The following AOPEP variants were observed in gnomAD, a reference collection of about 807,000 sequenced individuals.
AOPEP encodes aminopeptidase O (putative), also known as aminopeptidase O.
In AOPEP, 77 loss-of-function variants were observed where a neutral mutation model predicts 98.1. The observed-to-expected ratio is 0.78, with a 90% confidence interval of 0.65 to 0.95. AOPEP has a LOEUF of 0.95. Ranked by LOEUF, AOPEP falls within the 40% of genes least tolerant of loss-of-function variation. The pLI is 0.00. For synonymous variants in AOPEP, 346 were observed against 365.3 expected, an observed-to-expected ratio of 0.95 and a Z score of 0.60; for missense variants, 1,024 against 1,024.7, an observed-to-expected ratio of 1.00 and a Z score of 0.01.
intron 5 of AOPEP, among the ~76,000 whole-genome samples, chr9:94,825,286 G>C (rs984383241): frequency 3.3e-5 from 5 of 152,216 alleles, no homozygotes; most frequent in Non-Finnish European, 5.9e-5. Context: ...TGGAAGACCA[G>C]CCCCGCATCC....
At chr9:95,106,920 C>G in the AOPEP span, 1 of 790,556 alleles carries the variant, frequency 1.3e-6, no homozygotes, top group African/African-American at 1.7e-5. Flanking sequence ...GGGTCCATCC[C>G]AGCTGTCAAC....
intron 9 of AOPEP, among the ~76,000 whole-genome samples, chr9:94,959,276 C>G (rs2058667887): frequency 6.6e-6 from 1 of 152,150 alleles, no homozygotes; most frequent in African/African-American, 2.4e-5. Context: ...ATCTCCTGAT[C>G]TCGTGATCCA....
intron 10 of AOPEP, among the ~76,000 whole-genome samples, chr9:94,975,188 G>A (rs1307806906): frequency 1.3e-5 from 2 of 152,144 alleles, no homozygotes; most frequent in African/African-American, 4.8e-5. Flanking sequence ...AGTGAGCTGA[G>A]ATTGAACCAC....
intron 13 of AOPEP, among the ~76,000 whole-genome samples, chr9:95,008,300 T>TG (rs2062192562): frequency 1.3e-5 from 2 of 152,156 alleles, no homozygotes; most frequent in Non-Finnish European, 2.9e-5. Flanking sequence ...CTAACTCTGC[T>TG]GGGGGTCACA....
chr9:95,060,039 T>G (rs748785891), intron 13 of AOPEP, among the ~76,000 whole-genome samples: 2 of 152,228 alleles, frequency 1.3e-5, no homozygotes, highest in African/African-American at 2.4e-5. Flanking sequence ...TCTTTGCCCT[T>G]AACTTGTAAC....
chr9:94,744,647 G>A (rs549218134), intron 1 of AOPEP, among the ~76,000 whole-genome samples: 1 of 134,390 alleles, frequency 7.4e-6, no homozygotes, highest in South Asian at 2.3e-4. Flanking sequence ...GTTGCAGTGA[G>A]ACAAGATTGT....
At chr9:94,873,435 T>C (rs1171279634) in intron 5 of AOPEP, among the ~76,000 whole-genome samples, 1 of 152,204 alleles carries the variant, frequency 6.6e-6, no homozygotes, top group Non-Finnish European at 1.5e-5. Flanking sequence ...TATCTTATTA[T>C]GTTGGGAAGC....
chr9:94,878,529 C>T (rs1461362655), intron 5 of AOPEP, among the ~76,000 whole-genome samples: 1 of 151,878 alleles, frequency 6.6e-6, no homozygotes, highest in African/African-American at 2.4e-5. Flanking sequence ...CTTCCTGTAC[C>T]TGGTAAAAAT....
At chr9:95,057,410 G>A (rs564391048) in intron 13 of AOPEP, among the ~76,000 whole-genome samples, 3 of 152,348 alleles carry the variant, frequency 2.0e-5, no homozygotes, top group African/African-American at 4.8e-5. Flanking sequence ...CGGGCTCCTC[G>A]TACCACCCGG....
At chr9:94,968,251 CTTT>C (rs2059328164) in intron 10 of AOPEP, among the ~76,000 whole-genome samples, 1 of 152,050 alleles carries the variant, frequency 6.6e-6, no homozygotes, top group South Asian at 2.1e-4. Flanking sequence ...TCTGCCACTT[CTTT>C]TGTTTGTTTT....
At chr9:94,805,008 A>G (rs929041448) in intron 5 of AOPEP, among the ~76,000 whole-genome samples, 3 of 152,158 alleles carry the variant, frequency 2.0e-5, no homozygotes, top group African/African-American at 4.8e-5. Flanking sequence ...GAGGAGTAGA[A>G]TGAAGGCCAG....
At chr9:94,965,246 C>T (rs1042993324) in intron 9 of AOPEP, among the ~76,000 whole-genome samples, 2 of 152,184 alleles carry the variant, frequency 1.3e-5, no homozygotes, top group African/African-American at 4.8e-5. Flanking sequence ...GGGTTGTCCC[C>T]CCGCTCCCAT....
At chr9:95,134,890 C>T in the AOPEP span, among the ~76,000 whole-genome samples, 4 of 152,252 alleles carry the variant, frequency 2.6e-5, no homozygotes, top group Non-Finnish European at 5.9e-5. Flanking sequence ...AGAAAACTTA[C>T]AGAAGTCTTA....
the AOPEP span, chr9:95,101,495 G>C: frequency 1.6e-6 from 1 of 625,940 alleles, no homozygotes; most frequent in Admixed American, 2.7e-5. Flanking sequence ...TGAGTCATTA[G>C]TGAACATGTC....
intron 5 of AOPEP, among the ~76,000 whole-genome samples, chr9:94,873,107 G>C (rs1164548691): frequency 6.6e-6 from 1 of 152,016 alleles, no homozygotes; most frequent in Non-Finnish European, 1.5e-5. Flanking sequence ...GTGGGGAAAG[G>C]ATATGAGGGG....
the AOPEP span, among the ~76,000 whole-genome samples, chr9:95,125,554 G>A: frequency 2.0e-5 from 3 of 152,044 alleles, no homozygotes; most frequent in Non-Finnish European, 4.4e-5. Flanking sequence ...AAATGGCCTC[G>A]TCCATCCACC....
chr9:95,139,769 A>G, the AOPEP span, among the ~76,000 whole-genome samples: 1 of 150,174 alleles, frequency 6.7e-6, no homozygotes, highest in African/African-American at 2.5e-5. Flanking sequence ...GGAGGAGGTA[A>G]TGAACATTTT....
chr9:94,844,271 G>A (rs1392785453), intron 5 of AOPEP, among the ~76,000 whole-genome samples: 1 of 152,100 alleles, frequency 6.6e-6, no homozygotes, highest in Non-Finnish European at 1.5e-5. Context: ...GGCCAGGCTG[G>A]TCACTAACTA....
intron 5 of AOPEP, among the ~76,000 whole-genome samples, chr9:94,842,342 C>T (rs921181714): frequency 3.3e-5 from 5 of 152,056 alleles, no homozygotes; most frequent in African/African-American, 1.2e-4. Context: ...GCTTGGGGGA[C>T]AAAGCGAGAC....
Sources: allele counts gnomAD v4.1 joint callset (sites outside exome capture counted in the v4.1 genomes callset), GRCh38; gene constraint gnomAD v4.1.1; transcripts MANE v1.5; gene names NCBI Gene and HGNC (gene_info 2026-07-23, HGNC 2026-07-21).